The following TLN1 variants were observed in gnomAD, a reference collection of about 807,000 sequenced individuals.
The protein encoded by TLN1 is talin 1, also known as talin-1.
A neutral mutation model predicts 292.3 loss-of-function variants in TLN1; 56 were observed. That is an observed-to-expected ratio of 0.19 (90% confidence interval 0.15 to 0.24). TLN1 has a LOEUF of 0.24. TLN1 is among the 10% of genes least tolerant of loss of function. The pLI, the probability that TLN1 is intolerant of heterozygous loss-of-function variation, is 1.00. For missense variants in TLN1, 2,433 were observed against 3,248.2 expected (o/e 0.75, Z 6.10); for synonymous variants, 1,119 against 1,253.7 (o/e 0.89, Z 2.27).
chr9:35,698,249 G>T lies in TLN1; in HGVS notation c.7371+74C>A. The T allele has an allele frequency of 6.2e-7, 1 of 1,608,512 alleles. No individual in the cohort carries two copies. Among genetic ancestry groups the T allele is most frequent in the South Asian group, 1.1e-5 (1 of 90,808 alleles). ...GAGACAGTACCTCAATTCTCTCATA[G>T]AAACATACATCTCGGGAGTGACAGT... On this transcript the variant is annotated intron_variant, in intron 55 of 56. Coordinates refer to ENST00000314888, the MANE Select transcript of TLN1 (RefSeq NM_006289.4). The surrounding 1 kb of genome is among the most constrained non-coding windows in gnomAD (Gnocchi z 5.3).
intron 10 of TLN1, 94 bp downstream of exon 10, chr9:35,721,554 C>A: frequency 7.1e-7 from 1 of 1,402,206 alleles, no homozygotes; most frequent in Non-Finnish European, 9.7e-7. Flanking sequence ...GAGTAATACT[C>A]AGTATACTTA....
At chr9:35,708,018 T>A in intron 34 of TLN1, 126 bp from the exon 35 acceptor site, 2 of 1,152,914 alleles carry the variant, frequency 1.7e-6, no homozygotes, top group Non-Finnish European at 2.4e-6. Flanking sequence ...AATAACAGAG[T>A]CACCTGAAAA....
Position 35,717,576 on chromosome 9 carries a change from G to C in TLN1, c.2163+43C>G. The C allele has an allele frequency of 1.3e-6, 2 of 1,591,410 alleles. No individual in the cohort carries two copies. The highest frequency in any genetic ancestry group is 1.7e-6 in the Non-Finnish European group (2 of 1,163,312). The stretch of plus-strand genomic sequence containing the variant: ...ATGAAAGGCTCACGTGTGTGTGGTA[G>C]TATTACCCCTCAGCACGGACTAGAG... On this transcript the variant is annotated intron_variant, in intron 18 of 56. Transcript: ENST00000314888. This position sits in a 1 kb window ranked among gnomAD's most constrained non-coding sequence, Gnocchi z 4.7.
rs1025439683 is a variant in TLN1, at chr9:35,704,568, G to A, written c.5881-70C>T. The A allele has an allele frequency of 1.2e-4, 189 of 1,584,696 alleles. No homozygotes were observed. Among genetic ancestry groups the A allele is most frequent in the Non-Finnish European group, 1.5e-4 (179 of 1,163,818 alleles). On this transcript the variant is annotated intron_variant, in intron 44 of 56. Transcript: ENST00000314888. The surrounding 1 kb of genome is among the most constrained non-coding windows in gnomAD (Gnocchi z 6.9). Reference sequence around the variant, plus strand: ...AAATGGAAAGGTTGCCCATGCCTGGGAGAAGTGACAACAGGAGAGGGCTGA... The same window carrying A: ...AAATGGAAAGGTTGCCCATGCCTGGAAGAAGTGACAACAGGAGAGGGCTGA...
In TLN1 at chr9:35,704,820, G is replaced by A. The variant is rs761315810; in HGVS notation, c.5734-5C>T. On this transcript the variant is annotated splice_region_variant and splice_polypyrimidine_tract_variant and intron_variant, in intron 43 of 56. Transcript: ENST00000314888. The surrounding 1 kb of genome is among the most constrained non-coding windows in gnomAD (Gnocchi z 6.9). ...GTGTTTGATATGGGAACCTATCTGT[G>A]AGCCAAGGGAAAGACAGATGGATTT... 3.1e-6 allele frequency: 5 copies of A among 1,612,460 alleles called. No homozygotes were observed. Among genetic ancestry groups the A allele is most frequent in the African/African-American group, 1.3e-5 (1 of 75,004 alleles).
At chr9:35,708,215 A>G in intron 34 of TLN1, 126 bp downstream of exon 34, 2 of 1,223,002 alleles carry the variant, frequency 1.6e-6, no homozygotes, top group Non-Finnish European at 1.1e-6. Flanking sequence ...ACCCAAAAAG[A>G]AGCTGTGTGT....
intron 25 of TLN1, 52 bp downstream of exon 25, chr9:35,713,901 G>A (rs939885833): frequency 5.0e-6 from 8 of 1,608,886 alleles, no homozygotes; most frequent in East Asian, 2.2e-5. Context: ...GGGCACGGAG[G>A]TGAAGGAAGA....
In TLN1 at chr9:35,727,626, A is replaced by G. The variant is rs569036893; in HGVS notation, c.-33-1899T>C. ...CCTTATTACTATCCGCTTGTGTCCC[A>G]GCTGGACAGACCTGGCTATGGGGTT... On this transcript the variant is annotated intron_variant, in intron 1 of 56. Transcript: ENST00000314888. Among the ~76,000 whole-genome samples the G allele has an allele frequency of 2.6e-5, 4 of 152,296 alleles. No individual in the cohort carries two copies. In the South Asian group the frequency reaches 6.2e-4, roughly 24 times the overall value.
intron 1 of TLN1, among the ~76,000 whole-genome samples, chr9:35,728,066 C>T (rs374487353): frequency 1.2e-4 from 19 of 152,284 alleles, no homozygotes; most frequent in South Asian, 1.0e-3. Context: ...TCCCCACTGC[C>T]GTGTCCCCCT....
rs773712191 is a variant in TLN1, at chr9:35,699,023, A to C, written c.6999+9T>G. 6.2e-7 allele frequency: 1 copy of C among 1,611,404 alleles called. No individual in the cohort carries two copies. Among genetic ancestry groups the C allele is most frequent in the South Asian group, 1.1e-5 (1 of 91,010 alleles). ...GGTGAGGGTGGAAGAGGAAGGGAGCAGGACTGACCTTGGGTTTGGCCCGGG... is the reference window on the plus strand; with the variant it reads ...GGTGAGGGTGGAAGAGGAAGGGAGCCGGACTGACCTTGGGTTTGGCCCGGG... On this transcript the variant is annotated intron_variant, in intron 52 of 56. Coordinates refer to ENST00000314888, the MANE Select transcript of TLN1 (RefSeq NM_006289.4). This position sits in a 1 kb window ranked among gnomAD's most constrained non-coding sequence, Gnocchi z 4.0.
Position 35,708,473 on chromosome 9 carries a change from C to A in TLN1, c.4338G>T (p.Leu1446=). The change falls in exon 34 of 57, where the codon CTG becomes CTT. Residue 1446 remains leucine, a synonymous_variant. Coordinates refer to ENST00000314888, the MANE Select transcript of TLN1 (RefSeq NM_006289.4). ...GGCTATTGGGGTCAGAGACACCAAC[C>A]AGATATGCAGCCTGGGAAGAGAAAA... ...FTEAAAQAAY[L]VGVSDPNSQA... is the part of the protein sequence containing the mutation. 2 of 1,578,088 alleles carry A rather than the reference C, an allele frequency of 1.3e-6. No individual in the cohort carries two copies. Among genetic ancestry groups the A allele is most frequent in the Non-Finnish European group, 1.7e-6 (2 of 1,158,986 alleles).
chr9:35,716,632 A>C lies in TLN1; in HGVS notation c.2459-76T>G, dbSNP rs879180771. On this transcript the variant is annotated intron_variant, in intron 19 of 56. Transcript: ENST00000314888. Reference sequence around the variant, plus strand: ...CAGGGGTGGGGACAAAGGTGGGGAAAAGTGGTGTAGACAAGGTAGATGGGG... The same window carrying C: ...CAGGGGTGGGGACAAAGGTGGGGAACAGTGGTGTAGACAAGGTAGATGGGG... The C allele has an allele frequency of 2.2e-5, 34 of 1,537,436 alleles. 1 individual carries two copies. The South Asian group carries it at 3.9e-4, about 18-fold the overall frequency.
intron 11 of TLN1, 116 bp downstream of exon 11, chr9:35,720,696 G>C: frequency 9.1e-7 from 1 of 1,096,124 alleles, no homozygotes; most frequent in South Asian, 1.4e-5. Context: ...CAAGATCTCG[G>C]CTCATTGCAA....
rs763602150 is a variant in TLN1 at position 35,704,494 on chromosome 9, G to A, written c.5885C>T (p.Ser1962Phe). The change falls in exon 45 of 57, where the codon TCC becomes TTC. Residue 1962 changes from serine (S) to phenylalanine (F), a missense_variant. Ser to Phe is a radical substitution (Grantham distance 155). Around this residue, in one of 7 missense-constraint regions of TLN1, gnomAD observed 1,384 missense variants for 1,699.6 expected, o/e 0.81. Transcript: ENST00000314888. This position sits in a 1 kb window ranked among gnomAD's most constrained non-coding sequence, Gnocchi z 6.9. ...AGCCTGGAGCGCAGCCAGGACGTGG[G>A]AGACCTGGGTAGGGAATGTCACATG... ...ECARRVSEKV[S>F]HVLAALQAGN... 6.2e-7 allele frequency: 1 copy of A among 1,608,496 alleles called. No homozygotes were observed. The highest frequency in any genetic ancestry group is 1.1e-5 in the South Asian group (1 of 90,430).
chr9:35,723,154 T>G (rs534204134), intron 7 of TLN1: 2 of 383,228 alleles, frequency 5.2e-6, no homozygotes, highest in Admixed American at 3.9e-5. Flanking sequence ...CAGGCTGGAG[T>G]GCAATGGCAC....
Position 35,706,613 on chromosome 9 carries a change from G to T in TLN1, c.5089-62C>A. ...TGCAATAGGACCCTCTGGCTACAAA[G>T]AACTGCTCTTCTGTCCATACCAAAT... On this transcript the variant is annotated intron_variant, in intron 38 of 56. Coordinates refer to ENST00000314888, the MANE Select transcript of TLN1 (RefSeq NM_006289.4). This position sits in a 1 kb window ranked among gnomAD's most constrained non-coding sequence, Gnocchi z 4.2. The T allele has an allele frequency of 6.3e-7, 1 of 1,598,742 alleles. No homozygotes were observed. Among genetic ancestry groups the T allele is most frequent in the South Asian group, 1.1e-5 (1 of 90,474 alleles).
intron 1 of TLN1, among the ~76,000 whole-genome samples, chr9:35,729,536 C>G (rs1437355640): frequency 6.6e-6 from 1 of 152,072 alleles, no homozygotes; most frequent in Admixed American, 6.6e-5. Context: ...GAGACATAAC[C>G]GGAACTGGAT....
intron 8 of TLN1, 57 bp downstream of exon 8, chr9:35,722,804 A>G: frequency 1.9e-6 from 3 of 1,578,988 alleles, no homozygotes; most frequent in Non-Finnish European, 2.6e-6. Flanking sequence ...TTAGTCAGTA[A>G]GATTAAGCAG....
Position 35,704,095 on chromosome 9 carries a change from T to C in TLN1, c.6127A>G (p.Lys2043Glu), listed in dbSNP as rs534539011. 1.2e-6 allele frequency: 2 copies of C among 1,613,560 alleles called. No homozygotes were observed. The highest frequency in any genetic ancestry group is 4.5e-5 in the East Asian group (2 of 44,848). The change falls in exon 46 of 57, where the codon AAG (lysine) becomes GAG (glutamate). Residue 2043 changes from lysine (K) to glutamate (E), a missense_variant. Coordinates refer to ENST00000314888, the MANE Select transcript of TLN1 (RefSeq NM_006289.4). The surrounding 1 kb of genome is among the most constrained non-coding windows in gnomAD (Gnocchi z 6.9). Reference sequence around the variant, plus strand: ...GAGGACTGGGCAGCCTGCGCCAACTTCTCCTGGCTCCCAGCTGCGTTTTGC... The same window carrying C: ...GAGGACTGGGCAGCCTGCGCCAACTCCTCCTGGCTCCCAGCTGCGTTTTGC... ...LVQNAAGSQEKLAQAAQSSVA... is the reference protein window; with the variant it reads ...LVQNAAGSQEELAQAAQSSVA...
Sources: gnomAD v4.1 joint callset for allele counts (sites outside exome capture counted in the v4.1 genomes callset) on GRCh38, gnomAD v4.1.1 for gene constraint, gnomAD v4.1.1 regional missense constraint, Gnocchi (gnomAD v3.1) non-coding constraint, MANE v1.5 for transcripts, NCBI Gene and HGNC (gene_info 2026-07-23, HGNC 2026-07-21) for gene names.